Variants in TG observed in about 807,000 individuals in gnomAD.
TG encodes the protein thyroid hormones.
Under a neutral mutation model 324.7 loss-of-function variants are expected in TG, and 270 were observed. The ratio of observed to expected loss-of-function variants is 0.83; its 90% confidence interval spans 0.75 to 0.92. The LOEUF (loss-of-function observed/expected upper bound fraction) is 0.92, where lower values mean the gene tolerates loss of function less well. Among genes scored for constraint, TG ranks in the 40% least tolerant of loss-of-function variants. The pLI is 0.00. For synonymous variants in TG, 1,401 were observed against 1,327.0 expected, an observed-to-expected ratio of 1.06 and a Z score of -1.21; for missense variants, 3,591 against 3,456.4, an observed-to-expected ratio of 1.04 and a Z score of -0.98.
At chr8:132,982,553 T>G (rs1306263815) in intron 34 of TG, among the ~76,000 whole-genome samples, 1 of 152,234 alleles carries the variant, frequency 6.6e-6, no homozygotes, top group Non-Finnish European at 1.5e-5. Context: ...TACTCTACGC[T>G]GCTTCCAAGT....
intron 34 of TG, among the ~76,000 whole-genome samples, chr8:132,980,108 A>G (rs1830640884): frequency 6.6e-6 from 1 of 151,642 alleles, no homozygotes; most frequent in South Asian, 2.1e-4. Flanking sequence ...CTAAGTCAAG[A>G]GCTTTTGAGT....
intron 13 of TG, 81 bp from the exon 14 acceptor site, chr8:132,898,717 T>C (rs853324): frequency 5.6e-6 from 7 of 1,244,186 alleles, no homozygotes; most frequent in African/African-American, 1.5e-5. Context: ...TCATGACCCT[T>C]AAAGGTGGGG....
intron 21 of TG, among the ~76,000 whole-genome samples, chr8:132,921,663 T>C (rs954523157): frequency 4.6e-5 from 7 of 152,244 alleles, no homozygotes; most frequent in Admixed American, 2.0e-4. Context: ...GTCTCTATTA[T>C]TGATCTTGCT....
chr8:133,031,677 C>T (rs1411475864), intron 41 of TG, among the ~76,000 whole-genome samples: 16 of 152,214 alleles, frequency 1.1e-4, no homozygotes, highest in Admixed American at 9.2e-4. Flanking sequence ...ATTGTTTGGG[C>T]GCAACTGATG....
chr8:133,086,077 G>A (rs1846509638), intron 41 of TG, among the ~76,000 whole-genome samples: 1 of 152,152 alleles, frequency 6.6e-6, no homozygotes, highest in African/African-American at 2.4e-5. Flanking sequence ...CTATAAGATG[G>A]ATGAAGTAAA....
At chr8:133,033,558 C>A (rs1836824809) in intron 41 of TG, among the ~76,000 whole-genome samples, 1 of 152,210 alleles carries the variant, frequency 6.6e-6, no homozygotes, top group Non-Finnish European at 1.5e-5. Flanking sequence ...GCTAAATTTT[C>A]TGGTCTTGAT....
At chr8:132,898,337 C>T (rs1817422952) in intron 13 of TG, 91 bp downstream of exon 13, 2 of 1,244,922 alleles carry the variant, frequency 1.6e-6, no homozygotes, top group East Asian at 5.1e-5. Context: ...CTGGAGACTC[C>T]ATGGCCCAGC....
intron 38 of TG, among the ~76,000 whole-genome samples, chr8:133,018,975 G>A (rs1208867177): frequency 1.3e-5 from 2 of 152,230 alleles, no homozygotes; most frequent in African/African-American, 4.8e-5. Flanking sequence ...TAACAAATAT[G>A]CGTGAATTAA....
Position 132,948,774 on chromosome 8 carries a change from A to T in TG, c.5234-2A>T. 2 of 1,613,576 alleles carry T rather than the reference A, an allele frequency of 1.2e-6. No individual in the cohort carries two copies. The highest frequency in any genetic ancestry group is 1.7e-6 in the Non-Finnish European group (2 of 1,180,022). On this transcript the variant is annotated splice_acceptor_variant, in intron 26 of 47. Coordinates refer to ENST00000220616, the MANE Select transcript of TG (RefSeq NM_003235.5). LOFTEE classifies it high-confidence loss of function. ...ACCTCTCCTACCTCTTGTGATTCTCAGGTGCCATCATCTGTGGGTTGCTGA... is the reference window on the plus strand; with the variant it reads ...ACCTCTCCTACCTCTTGTGATTCTCTGGTGCCATCATCTGTGGGTTGCTGA...
intron 41 of TG, among the ~76,000 whole-genome samples, chr8:133,082,308 T>C (rs567648517): frequency 6.6e-6 from 1 of 152,256 alleles, no homozygotes; most frequent in South Asian, 2.1e-4. Context: ...GCTTTGGCAC[T>C]TTGCATGACT....
At chr8:132,941,092 C>G (rs1004751536) in intron 25 of TG, among the ~76,000 whole-genome samples, 20 of 152,194 alleles carry the variant, frequency 1.3e-4, no homozygotes, top group African/African-American at 4.8e-4. Context: ...TCTACACATA[C>G]CCTTTGGACC....
At chr8:132,867,613 A>G (rs1336550354) in intron 1 of TG, among the ~76,000 whole-genome samples, 1 of 151,006 alleles carries the variant, frequency 6.6e-6, no homozygotes, top group Non-Finnish European at 1.5e-5. Flanking sequence ...CCTATGTGTT[A>G]CAAGAGTTCT....
chr8:132,990,825 A>G (rs1301520111), intron 35 of TG, among the ~76,000 whole-genome samples: 3 of 152,160 alleles, frequency 2.0e-5, no homozygotes, highest in African/African-American at 7.2e-5. Context: ...ACCCGGATGT[A>G]AACCCAGAGT....
intron 40 of TG, among the ~76,000 whole-genome samples, chr8:133,026,383 G>C (rs1012435710): frequency 5.3e-5 from 8 of 152,242 alleles, no homozygotes; most frequent in Non-Finnish European, 1.2e-4. Flanking sequence ...GCCCAGCCCA[G>C]TGTTTAAAAG....
At chr8:133,133,792 C>T (rs1852134653) in intron 47 of TG, 132 bp downstream of exon 47, 4 of 1,035,008 alleles carry the variant, frequency 3.9e-6, no homozygotes, top group Non-Finnish European at 5.9e-6. Context: ...CAGCCCCTTC[C>T]TGTGAGTTGT....
chr8:132,969,648 A>T, intron 32 of TG, 79 bp downstream of exon 32: 1 of 1,133,330 alleles, frequency 8.8e-7, no homozygotes. Context: ...CACAGCTAAA[A>T]ACAGAAGCAT....
chr8:133,020,669 G>C (rs1045872927), intron 39 of TG, among the ~76,000 whole-genome samples: 12 of 152,174 alleles, frequency 7.9e-5, no homozygotes, highest in African/African-American at 2.9e-4. Context: ...GAATGTCAGA[G>C]AGGAAGAGAC....
intron 45 of TG, among the ~76,000 whole-genome samples, chr8:133,127,639 G>A (rs536453502): frequency 3.9e-5 from 6 of 152,242 alleles, no homozygotes; most frequent in Admixed American, 1.3e-4. Context: ...CACACCTTTC[G>A]AAGAATTAGA....
At chr8:132,937,055 C>G (rs547520375) in intron 25 of TG, among the ~76,000 whole-genome samples, 1 of 152,306 alleles carries the variant, frequency 6.6e-6, no homozygotes, top group East Asian at 1.9e-4. Flanking sequence ...TAGGACAGGG[C>G]TGGGCTCATG....
Sources: gnomAD v4.1 joint callset for allele counts (sites outside exome capture counted in the v4.1 genomes callset) on GRCh38, gnomAD v4.1.1 for gene constraint, MANE v1.5 for transcripts, NCBI Gene and HGNC (gene_info 2026-07-23, HGNC 2026-07-21) for gene names.